Variants in GPC3 observed in about 807,000 individuals in gnomAD.
GPC3 encodes glypican-3.
Under a neutral mutation model 34.4 loss-of-function variants are expected in GPC3, and 3 were observed. The ratio of observed to expected loss-of-function variants is 0.09; its 90% CI spans 0.04 to 0.23. The LOEUF (loss-of-function observed/expected upper bound fraction) is 0.23, where lower values mean the gene tolerates loss of function less well. Ranked by LOEUF, GPC3 falls within the 10% of genes least tolerant of loss-of-function variation. The pLI is 1.00. For missense variants in GPC3, 351 were observed against 445.6 expected (o/e 0.79, Z 1.91); for synonymous variants, 177 against 174.0 (o/e 1.02, Z -0.13).
At chrX:133,582,671 T>C (rs2069743354) in intron 7 of GPC3, among the ~76,000 whole-genome samples, 2 of 111,857 alleles carry the variant, frequency 1.8e-5, no homozygotes. Context: ...TTTAGTTTTA[T>C]TGTCTACAAA....
chrX:133,865,249 T>C (rs765326175), intron 2 of GPC3, among the ~76,000 whole-genome samples: 5 of 112,553 alleles, frequency 4.4e-5, no homozygotes, highest in Non-Finnish European at 9.4e-5. Flanking sequence ...ACTAATTACA[T>C]TGTGTGATTT....
At chrX:133,727,462 A>C (rs1350410614) in intron 3 of GPC3, among the ~76,000 whole-genome samples, 4 of 110,715 alleles carry the variant, frequency 3.6e-5, no homozygotes, top group Non-Finnish European at 7.6e-5. Context: ...AGGCAGGAGA[A>C]TCACTTGAAC....
At chrX:133,866,103 G>A (rs1004700010) in intron 2 of GPC3, among the ~76,000 whole-genome samples, 8 of 111,790 alleles carry the variant, frequency 7.2e-5, no homozygotes, top group Admixed American at 2.8e-4. Context: ...GAGCAATAAG[G>A]AGAGAAAGAA....
intron 2 of GPC3, among the ~76,000 whole-genome samples, chrX:133,824,125 C>A (rs192869344): frequency 1.9e-4 from 20 of 107,693 alleles, no homozygotes; most frequent in African/African-American, 6.8e-4. Context: ...GTTCAAATAA[C>A]CCAAAGGAAA....
At chrX:133,627,232 G>A (rs1257056807) in intron 6 of GPC3, among the ~76,000 whole-genome samples, 1 of 107,461 alleles carries the variant, frequency 9.3e-6, no homozygotes, top group East Asian at 3.0e-4. Flanking sequence ...GTCAATGGGT[G>A]CAGCACACCA....
intron 3 of GPC3, among the ~76,000 whole-genome samples, chrX:133,732,077 T>C (rs1204936966): frequency 9.0e-6 from 1 of 111,678 alleles, no homozygotes; most frequent in Non-Finnish European, 1.9e-5. Flanking sequence ...AAATGCTGTA[T>C]TAAGAGAAGT....
chrX:133,823,482 CAG>C (rs1427689565), intron 2 of GPC3, among the ~76,000 whole-genome samples: 2 of 111,334 alleles, frequency 1.8e-5, no homozygotes, highest in African/African-American at 6.5e-5. Context: ...GAAAGAGCAA[CAG>C]AAAAGACAAA....
chrX:133,766,525 C>T (rs2071847390), intron 2 of GPC3, among the ~76,000 whole-genome samples: 2 of 112,073 alleles, frequency 1.8e-5, no homozygotes, highest in African/African-American at 6.5e-5. Flanking sequence ...AACAGATCAC[C>T]ATATCTGCAA....
At chrX:133,909,338 T>A (rs777225281) in intron 2 of GPC3, among the ~76,000 whole-genome samples, 20 of 112,202 alleles carry the variant, frequency 1.8e-4, no homozygotes, top group African/African-American at 5.5e-4. Flanking sequence ...TCTGCTAAAA[T>A]CAAGACATAT....
chrX:133,595,985 C>CT (rs1193487595), intron 7 of GPC3, among the ~76,000 whole-genome samples: 11 of 111,406 alleles, frequency 9.9e-5, no homozygotes, highest in East Asian at 8.5e-4. Context: ...GGTTGCATTT[C>CT]TTTTTTTTGT....
At chrX:133,826,036 C>A (rs1439526329) in intron 2 of GPC3, among the ~76,000 whole-genome samples, 1 of 111,763 alleles carries the variant, frequency 8.9e-6, no homozygotes, top group African/African-American at 3.3e-5. Flanking sequence ...ACAGCAGCAA[C>A]AAACACTGGG....
chrX:133,670,230 C>T (rs1002306098), intron 5 of GPC3, among the ~76,000 whole-genome samples: 1 of 111,577 alleles, frequency 9.0e-6, no homozygotes, highest in South Asian at 3.8e-4. Context: ...GCACTCTCAG[C>T]GATCATCTGG....
intron 2 of GPC3, among the ~76,000 whole-genome samples, chrX:133,834,806 A>G (rs2075792208): frequency 8.9e-6 from 1 of 112,232 alleles, no homozygotes; most frequent in Non-Finnish European, 1.9e-5. Flanking sequence ...GCAAAACTAT[A>G]GTTGAAGGTG....
chrX:133,747,626 T>C (rs181182021), intron 3 of GPC3, among the ~76,000 whole-genome samples: 2 of 111,876 alleles, frequency 1.8e-5, no homozygotes, highest in African/African-American at 6.5e-5. Flanking sequence ...GAGCATGAGC[T>C]TTTGAGTCAG....
At chrX:133,903,144 C>G (rs1287396684) in intron 2 of GPC3, among the ~76,000 whole-genome samples, 1 of 99,833 alleles carries the variant, frequency 1.0e-5, no homozygotes, top group East Asian at 3.1e-4. Context: ...GAGTGAGACT[C>G]TGTCTCAAAA....
At chrX:133,829,702 G>GA (rs1448788574) in intron 2 of GPC3, among the ~76,000 whole-genome samples, 1 of 111,368 alleles carries the variant, frequency 9.0e-6, no homozygotes, top group African/African-American at 3.3e-5. Context: ...AAAGCAAAAA[G>GA]AAAAAAATAA....
intron 2 of GPC3, among the ~76,000 whole-genome samples, chrX:133,848,661 CT>C (rs1320174272): frequency 7.2e-5 from 8 of 111,351 alleles, no homozygotes; most frequent in African/African-American, 2.6e-4. Context: ...CACAACCTTC[CT>C]TTATGGTATA....
chrX:133,741,587 G>A (rs1340514044), intron 3 of GPC3, among the ~76,000 whole-genome samples: 1 of 112,396 alleles, frequency 8.9e-6, no homozygotes, highest in Non-Finnish European at 1.9e-5. Context: ...TACCTCAAAA[G>A]TTGCTGCAGT....
At chrX:133,590,816 A>T (rs2069839734) in intron 7 of GPC3, among the ~76,000 whole-genome samples, 1 of 111,837 alleles carries the variant, frequency 8.9e-6, no homozygotes, top group African/African-American at 3.3e-5. Flanking sequence ...GCAAGGTCAG[A>T]TGAAAACTTA....
Sources: gnomAD v4.1 joint callset for allele counts (sites outside exome capture counted in the v4.1 genomes callset) on GRCh38, gnomAD v4.1.1 for gene constraint, MANE v1.5 for transcripts, NCBI Gene and HGNC (gene_info 2026-07-23, HGNC 2026-07-21) for gene names.